Variants in DLC1 observed in about 807,000 individuals in gnomAD.
DLC1 encodes the protein rho GTPase-activating protein 7.
DLC1 carries 54 observed loss-of-function variants against 140.3 expected under a neutral mutation model. The observed-to-expected ratio is 0.38, with a 90% CI of 0.31 to 0.48. The LOEUF (loss-of-function observed/expected upper bound fraction) is 0.48, where lower values mean the gene tolerates loss of function less well. DLC1 is among the 20% of genes least tolerant of loss of function. The pLI is 0.96. For missense variants in DLC1, 2,536 were observed against 1,907.0 expected, an observed-to-expected ratio of 1.33 and a Z score of -6.14; for synonymous variants, 986 against 728.1, an observed-to-expected ratio of 1.35 and a Z score of -5.70.
chr8:13,397,767 T>G (rs1837113907), intron 3 of DLC1, among the ~76,000 whole-genome samples: 1 of 150,664 alleles, frequency 6.6e-6, no homozygotes. Context: ...GCCCAGGAGT[T>G]TGAGGCCACA....
chr8:13,129,775 G>C (rs147664336), intron 5 of DLC1, among the ~76,000 whole-genome samples: 1 of 152,346 alleles, frequency 6.6e-6, no homozygotes, highest in African/African-American at 2.4e-5. Context: ...AAAGCACTGA[G>C]AATTCGGTCT....
At chr8:13,304,517 T>C (rs1349160118) in intron 5 of DLC1, 6 of 359,424 alleles carry the variant, frequency 1.7e-5, no homozygotes, top group African/African-American at 2.2e-5. Flanking sequence ...GTAAAGGCAC[T>C]TGAAATTTTA....
At chr8:13,104,719 A>G (rs1819411945) in intron 7 of DLC1, among the ~76,000 whole-genome samples, 1 of 152,190 alleles carries the variant, frequency 6.6e-6, no homozygotes, top group Admixed American at 6.5e-5. Flanking sequence ...AATAGAAAGC[A>G]TTTTTGCCTG....
intron 5 of DLC1, among the ~76,000 whole-genome samples, chr8:13,120,356 A>AAAAAAATATATATATATATATAT: frequency 9.0e-4 from 55 of 61,096 alleles, no homozygotes; most frequent in East Asian, 2.9e-3. Flanking sequence ...AAAAAAAAAA[A>AAAAAAATATATATATATATATAT]ATATATATAT....
intron 4 of DLC1, among the ~76,000 whole-genome samples, chr8:13,390,597 C>T (rs1034993582): frequency 6.6e-6 from 1 of 152,146 alleles, no homozygotes; most frequent in Non-Finnish European, 1.5e-5. Context: ...CCACCTTAAA[C>T]CTAGATGGCA....
chr8:13,249,018 T>C (rs1829887113), intron 5 of DLC1, among the ~76,000 whole-genome samples: 1 of 152,206 alleles, frequency 6.6e-6, no homozygotes, highest in South Asian at 2.1e-4. Flanking sequence ...CTTAGACTCC[T>C]CACTTTCCAT....
intron 5 of DLC1, among the ~76,000 whole-genome samples, chr8:13,187,722 T>G (rs1229062903): frequency 6.6e-6 from 1 of 152,172 alleles, no homozygotes; most frequent in Non-Finnish European, 1.5e-5. Flanking sequence ...ATCAAAATCA[T>G]CCGGGAATAC....
At chr8:13,431,290 T>C (rs1585095689) in intron 2 of DLC1, among the ~76,000 whole-genome samples, 1 of 151,782 alleles carries the variant, frequency 6.6e-6, no homozygotes, top group Non-Finnish European at 1.5e-5. Flanking sequence ...GAGACCATCT[T>C]GGCTAACACG....
chr8:13,363,753 C>T (rs185840874), intron 4 of DLC1, among the ~76,000 whole-genome samples: 8 of 152,078 alleles, frequency 5.3e-5, no homozygotes, highest in African/African-American at 1.2e-4. Context: ...AATCTAAGGT[C>T]GCCAAGCATG....
chr8:13,251,256 T>C (rs1829991959), intron 5 of DLC1, among the ~76,000 whole-genome samples: 2 of 152,168 alleles, frequency 1.3e-5, no homozygotes, highest in Non-Finnish European at 2.9e-5. Flanking sequence ...AATTATCTCC[T>C]AACACAGTAA....
chr8:13,152,375 T>C (rs140493091), intron 5 of DLC1, among the ~76,000 whole-genome samples: 363 of 152,276 alleles, frequency 2.4e-3, no homozygotes, highest in African/African-American at 8.4e-3. Flanking sequence ...TGAGTTTATA[T>C]AACCCAAAAA....
At chr8:13,170,525 T>C (rs1333479523) in intron 5 of DLC1, among the ~76,000 whole-genome samples, 1 of 151,972 alleles carries the variant, frequency 6.6e-6, no homozygotes, top group Non-Finnish European at 1.5e-5. Context: ...GGTCAGGAAA[T>C]CGAGACCATC....
intron 1 of DLC1, among the ~76,000 whole-genome samples, chr8:13,564,564 A>G (rs1232419401): frequency 6.6e-6 from 1 of 152,212 alleles, no homozygotes; most frequent in Non-Finnish European, 1.5e-5. Flanking sequence ...TACCTGCCAA[A>G]TGCCAACTCA....
chr8:13,367,162 T>G (rs74449364), intron 4 of DLC1, among the ~76,000 whole-genome samples: 1,868 of 152,314 alleles, frequency 0.012, 30 homozygotes, highest in South Asian at 0.054. Flanking sequence ...TTTGGGTTTC[T>G]ACTTTAGTCC....
chr8:13,487,931 T>A (rs905097326), intron 2 of DLC1, among the ~76,000 whole-genome samples: 5 of 152,350 alleles, frequency 3.3e-5, no homozygotes, highest in African/African-American at 1.2e-4. Flanking sequence ...TTTTATCAGA[T>A]ATTTATGAAG....
intron 5 of DLC1, among the ~76,000 whole-genome samples, chr8:13,128,837 A>T (rs926256489): frequency 1.3e-5 from 2 of 151,074 alleles, no homozygotes; most frequent in East Asian, 3.9e-4. Context: ...TCCGTCTCAA[A>T]AAAAAAAAAG....
In DLC1 at chr8:13,088,497, C is replaced by T. The variant is rs779257355; in HGVS notation, c.4282G>A (p.Val1428Ile). The T allele has an allele frequency of 1.6e-5, 26 of 1,614,080 alleles. No individual in the cohort carries two copies. Among genetic ancestry groups the T allele is most frequent in the Middle Eastern group, 1.6e-4 (1 of 6,082 alleles). Reference sequence around the variant, plus strand: ...CTGGGAAGCGCTCACCTTAAAACAACGTAGTCTCGAGCAGGATGAGGTGCC... The same window carrying T: ...CTGGGAAGCGCTCACCTTAAAACAATGTAGTCTCGAGCAGGATGAGGTGCC... ...SMAPHPARDY[V>I]VLRTWRTNLP... is the part of the protein sequence containing the mutation. Residue 1428 changes from valine to isoleucine, a missense_variant, in exon 16 of 18, where the codon GTT (valine) becomes ATT (isoleucine). Physicochemically the swap from Val to Ile is conservative, Grantham distance 29. Transcript: ENST00000276297.
At chr8:13,579,223 G>C (rs1414089926) in intron 1 of DLC1, among the ~76,000 whole-genome samples, 1 of 92,050 alleles carries the variant, frequency 1.1e-5, no homozygotes, top group Non-Finnish European at 2.1e-5. Context: ...GGTGTAAGGA[G>C]CTCTAATTGA....
At chr8:13,464,058 A>G (rs983345052) in intron 2 of DLC1, among the ~76,000 whole-genome samples, 1 of 152,212 alleles carries the variant, frequency 6.6e-6, no homozygotes, top group Non-Finnish European at 1.5e-5. Flanking sequence ...CAAGAAAAAA[A>G]TTGCAGGGCA....
Sources: gnomAD v4.1 joint callset for allele counts (sites outside exome capture counted in the v4.1 genomes callset) on GRCh38, gnomAD v4.1.1 for gene constraint, MANE v1.5 for transcripts, NCBI Gene and HGNC (gene_info 2026-07-23, HGNC 2026-07-21) for gene names.